ROBO2: variants seen among roughly 807,000 people sequenced by gnomAD.
The protein encoded by ROBO2 is roundabout homolog 2.
ROBO2 carries 53 observed loss-of-function variants against 160.8 expected under a neutral mutation model. That is an observed-to-expected ratio of 0.33 (90% CI 0.26 to 0.41). ROBO2 has a LOEUF of 0.41. ROBO2 is among the 10% of genes least tolerant of loss of function. The pLI, the probability that ROBO2 is intolerant of heterozygous loss-of-function variation, is 1.00. For missense variants in ROBO2, 1,577 were observed against 1,722.4 expected, an observed-to-expected ratio of 0.92 and a Z score of 1.49; for synonymous variants, 664 against 611.7, an observed-to-expected ratio of 1.09 and a Z score of -1.26.
At chr3:76,512,979 G>T (rs1014931051) in intron 2 of ROBO2, among the ~76,000 whole-genome samples, 5 of 152,070 alleles carry the variant, frequency 3.3e-5, no homozygotes, top group Admixed American at 2.0e-4. Flanking sequence ...TCTAGAGGAA[G>T]AAAAAATTAA....
chr3:77,105,385 G>A (rs1334810824), intron 2 of ROBO2, among the ~76,000 whole-genome samples: 1 of 152,180 alleles, frequency 6.6e-6, no homozygotes, highest in Non-Finnish European at 1.5e-5. Flanking sequence ...CAAATGTCAG[G>A]TGAGATTTCA....
rs143642603 is a variant in ROBO2, at chr3:76,310,426, G to A, written c.109+372824G>A. ...TTCATTAGGGTGACACAGGAACGCC[G>A]AAATAAACTGACTTCATTGAACACA... On this transcript the variant is annotated intron_variant, in intron 2 of 26. Transcript: ENST00000487694. Among the ~76,000 whole-genome samples, 512 of 152,258 alleles carry A rather than the reference G, an allele frequency of 3.4e-3. 3 individuals are homozygous for A. The highest frequency in any genetic ancestry group is 0.012 in the African/African-American group (494 of 41,548).
chr3:76,406,883 A>G (rs963287573), intron 2 of ROBO2, among the ~76,000 whole-genome samples: 2 of 151,802 alleles, frequency 1.3e-5, no homozygotes, highest in Admixed American at 6.6e-5. Flanking sequence ...ACCATTTATC[A>G]TGTATCCAAC....
rs900705591 is a variant in ROBO2, at chr3:76,014,919, C to A, written c.109+77317C>A. On this transcript the variant is annotated intron_variant, in intron 2 of 26. Coordinates refer to the ROBO2 transcript ENST00000487694. Reference sequence around the variant, plus strand: ...CTCCAGTCTGAACCACAGAGTGAGACCCTGTCTCTAAAAATAAATAAATAA... The same window carrying A: ...CTCCAGTCTGAACCACAGAGTGAGAACCTGTCTCTAAAAATAAATAAATAA... Among the ~76,000 whole-genome samples the A allele has an allele frequency of 3.3e-5, 5 of 152,080 alleles. No individual in the cohort carries two copies. The East Asian group carries it at 9.7e-4, about 29-fold the overall frequency.
intron 2 of ROBO2, among the ~76,000 whole-genome samples, chr3:76,505,411 T>C (rs923048073): frequency 6.6e-6 from 1 of 152,098 alleles, no homozygotes; most frequent in Admixed American, 6.6e-5. Context: ...TGGGCTGCAC[T>C]GTGACCTCCA....
intron 2 of ROBO2, among the ~76,000 whole-genome samples, chr3:76,270,211 T>C (rs1707348405): frequency 6.6e-6 from 1 of 152,036 alleles, no homozygotes; most frequent in Non-Finnish European, 1.5e-5. Flanking sequence ...ACATCAATGT[T>C]TTACCTCTGT....
intron 2 of ROBO2, among the ~76,000 whole-genome samples, chr3:76,487,979 C>G (rs539884590): frequency 2.0e-5 from 3 of 152,246 alleles, no homozygotes; most frequent in African/African-American, 4.8e-5. Context: ...GACATCATTA[C>G]CTTTGCCATA....
chr3:76,102,623 G>A (rs113398688), intron 2 of ROBO2, among the ~76,000 whole-genome samples: 55 of 152,196 alleles, frequency 3.6e-4, no homozygotes, highest in African/African-American at 1.3e-3. Context: ...AGATTGAAAA[G>A]TGTGCATTGG....
chr3:77,340,669 A>T (rs554732291), intron 2 of ROBO2, among the ~76,000 whole-genome samples: 1 of 152,272 alleles, frequency 6.6e-6, no homozygotes, highest in African/African-American at 2.4e-5. Flanking sequence ...TATGTTCAAA[A>T]TCATTTAAGT....
At chr3:77,465,021 A>AT (rs1266023274) in intron 2 of ROBO2, among the ~76,000 whole-genome samples, 1 of 152,160 alleles carries the variant, frequency 6.6e-6, no homozygotes, top group Non-Finnish European at 1.5e-5. Context: ...CCAACTTCAG[A>AT]TTTTTTGGTT....
chr3:77,626,882 G>C (rs6800351), intron 23 of ROBO2, among the ~76,000 whole-genome samples: 110,775 of 152,064 alleles, frequency 0.73, 40,525 homozygotes, highest in East Asian at 0.84. Context: ...GAGGTTTGTT[G>C]TGGAACTCCC....
chr3:76,273,104 TAC>T (rs1300361670), intron 2 of ROBO2, among the ~76,000 whole-genome samples: 13 of 31,158 alleles, frequency 4.2e-4, no homozygotes, highest in Admixed American at 8.5e-4. Context: ...CACACACATA[TAC>T]ACACACACAT....
chr3:76,559,810 A>C (rs1489343849), intron 2 of ROBO2, among the ~76,000 whole-genome samples: 1 of 152,102 alleles, frequency 6.6e-6, no homozygotes, highest in Non-Finnish European at 1.5e-5. Flanking sequence ...ATTTTAATGC[A>C]GTACTTTTTA....
chr3:76,165,350 T>TC (rs1559605950), intron 2 of ROBO2, among the ~76,000 whole-genome samples: 1 of 151,868 alleles, frequency 6.6e-6, no homozygotes, highest in South Asian at 2.1e-4. Context: ...CTTCCCATTT[T>TC]TTTTTTTCTG....
At chr3:76,479,778 G>C (rs2079114203) in intron 2 of ROBO2, among the ~76,000 whole-genome samples, 1 of 152,184 alleles carries the variant, frequency 6.6e-6, no homozygotes, top group African/African-American at 2.4e-5. Context: ...GAGGAATTCA[G>C]TGACTTGCCC....
chr3:77,234,943 A>G (rs899099023), intron 2 of ROBO2, among the ~76,000 whole-genome samples: 2 of 152,176 alleles, frequency 1.3e-5, no homozygotes. Flanking sequence ...AAGGGTTTTG[A>G]TGATTGCATT....
intron 2 of ROBO2, among the ~76,000 whole-genome samples, chr3:75,948,760 C>G: frequency 6.6e-6 from 1 of 152,106 alleles, no homozygotes; most frequent in Non-Finnish European, 1.5e-5. Flanking sequence ...ACATGTTCTT[C>G]TATCTTTAAT....
chr3:76,937,758 AT>A (rs2077808216), intron 2 of ROBO2, among the ~76,000 whole-genome samples: 1 of 152,136 alleles, frequency 6.6e-6, no homozygotes, highest in Admixed American at 6.5e-5. Flanking sequence ...CATGTAATAA[AT>A]TTGGAATATT....
intron 2 of ROBO2, among the ~76,000 whole-genome samples, chr3:76,927,442 G>A (rs1342577156): frequency 6.6e-6 from 1 of 152,080 alleles, no homozygotes; most frequent in African/African-American, 2.4e-5. Flanking sequence ...AAAGAGCATA[G>A]CAGTGGAAAA....
Sources: allele counts gnomAD v4.1 joint callset (sites outside exome capture counted in the v4.1 genomes callset), GRCh38; gene constraint gnomAD v4.1.1; transcripts MANE v1.5; gene names NCBI Gene and HGNC (gene_info 2026-07-23, HGNC 2026-07-21).